The following ZSWIM6 variants were observed in gnomAD, a reference collection of about 807,000 sequenced individuals.
The protein encoded by ZSWIM6 is zinc finger SWIM-type containing 6.
A neutral mutation model predicts 113.2 loss-of-function variants in ZSWIM6; 9 were observed. That is an observed-to-expected ratio of 0.08 (90% CI 0.05 to 0.14). The LOEUF is 0.14. Among genes scored for constraint, ZSWIM6 ranks in the 10% least tolerant of loss-of-function variants. The pLI is 1.00. For missense variants in ZSWIM6, 1,162 were observed against 1,552.2 expected (o/e 0.75, Z 4.22); for synonymous variants, 611 against 606.5 (o/e 1.01, Z -0.11).
intron 1 of ZSWIM6, among the ~76,000 whole-genome samples, chr5:61,365,158 C>G (rs1254467258): frequency 2.0e-5 from 3 of 151,958 alleles, no homozygotes; most frequent in African/African-American, 7.3e-5. Context: ...TCGAGAACAG[C>G]CTGGCCAACA....
chr5:61,454,259 T>C (rs1238099502), intron 1 of ZSWIM6, among the ~76,000 whole-genome samples: 2 of 148,942 alleles, frequency 1.3e-5, no homozygotes, highest in Non-Finnish European at 3.0e-5. Context: ...TATTTTATTT[T>C]ATTTTATTTT....
intron 5 of ZSWIM6, 86 bp downstream of exon 5, chr5:61,521,528 A>G: frequency 8.7e-7 from 1 of 1,143,294 alleles, no homozygotes; most frequent in African/African-American, 1.6e-5. Context: ...TGTATATGGG[A>G]AAATGATTTT....
chr5:61,431,993 A>G (rs937922661), intron 1 of ZSWIM6, among the ~76,000 whole-genome samples: 1 of 152,010 alleles, frequency 6.6e-6, no homozygotes, highest in African/African-American at 2.4e-5. Flanking sequence ...TTTGAACTAC[A>G]TTAGCCATTC....
At chr5:61,492,414 C>G (rs956115120) in intron 3 of ZSWIM6, among the ~76,000 whole-genome samples, 1 of 152,050 alleles carries the variant, frequency 6.6e-6, no homozygotes, top group African/African-American at 2.4e-5. Flanking sequence ...ATTAGCTTAA[C>G]TTGAAGTTAA....
At chr5:61,432,185 G>C (rs1368515875) in intron 1 of ZSWIM6, among the ~76,000 whole-genome samples, 1 of 152,142 alleles carries the variant, frequency 6.6e-6, no homozygotes, top group East Asian at 1.9e-4. Context: ...AAACAATTTT[G>C]CTTCCCTCTT....
intron 1 of ZSWIM6, among the ~76,000 whole-genome samples, chr5:61,388,787 C>T (rs891944585): frequency 6.6e-6 from 1 of 152,144 alleles, no homozygotes; most frequent in African/African-American, 2.4e-5. Flanking sequence ...TGGCTTTGGG[C>T]ATTTTGCTGC....
chr5:61,438,611 A>G (rs1174729869), intron 1 of ZSWIM6, among the ~76,000 whole-genome samples: 1 of 152,240 alleles, frequency 6.6e-6, no homozygotes, highest in Non-Finnish European at 1.5e-5. Context: ...CAGAGCAAAC[A>G]GGCAATGAAC....
chr5:61,511,285 A>T (rs545055911), intron 4 of ZSWIM6, among the ~76,000 whole-genome samples: 52 of 152,276 alleles, frequency 3.4e-4, no homozygotes, highest in African/African-American at 1.3e-3. Context: ...AAATTTTCTA[A>T]TTAGAGAAAT....
intron 1 of ZSWIM6, among the ~76,000 whole-genome samples, chr5:61,341,480 T>G (rs993774596): frequency 6.6e-6 from 1 of 152,236 alleles, no homozygotes; most frequent in Non-Finnish European, 1.5e-5. Context: ...AGGAAATTAC[T>G]GTTTATGTCA....
chr5:61,398,237 C>A (rs1745879696), intron 1 of ZSWIM6, among the ~76,000 whole-genome samples: 2 of 152,164 alleles, frequency 1.3e-5, no homozygotes, highest in Non-Finnish European at 2.9e-5. Flanking sequence ...ACTGCCTGAG[C>A]TCCGCCTCCT....
intron 1 of ZSWIM6, among the ~76,000 whole-genome samples, chr5:61,435,583 G>A (rs1299680920): frequency 6.6e-6 from 1 of 152,318 alleles, no homozygotes; most frequent in East Asian, 1.9e-4. Context: ...TCTGATAGAT[G>A]TTCCAAATTG....
intron 8 of ZSWIM6, among the ~76,000 whole-genome samples, 187 bp downstream of exon 8, chr5:61,530,385 T>G (rs1749397619): frequency 6.6e-6 from 1 of 152,250 alleles, no homozygotes; most frequent in Non-Finnish European, 1.5e-5. Context: ...GGGAAAAGTC[T>G]TAGAGTTGAT....
chr5:61,410,638 A>C (rs1043589844), intron 1 of ZSWIM6, among the ~76,000 whole-genome samples: 1 of 152,146 alleles, frequency 6.6e-6, no homozygotes, highest in Non-Finnish European at 1.5e-5. Context: ...ATCTGACTAG[A>C]TTCTAAAGAC....
At position 61,489,056 on chromosome 5, in the gene ZSWIM6, T is replaced by C. The variant is rs563792731; in HGVS notation, c.1034-1730T>C. ...ATCCTGCTTCTTTTCTCCAGGATTA[T>C]CTTGTATTACTCTTCCTCTCATCTT... On this transcript the variant is annotated intron_variant, in intron 2 of 13. Coordinates refer to ENST00000252744, the MANE Select transcript of ZSWIM6 (RefSeq NM_020928.2). Among the ~76,000 whole-genome samples the C allele has an allele frequency of 2.0e-5, 3 of 152,152 alleles. No homozygotes were observed. The South Asian group carries it at 6.2e-4, about 32-fold the overall frequency.
intron 4 of ZSWIM6, among the ~76,000 whole-genome samples, chr5:61,512,309 A>G (rs953967696): frequency 6.6e-6 from 1 of 151,912 alleles, no homozygotes; most frequent in Admixed American, 6.6e-5. Flanking sequence ...TGTTGTTGTT[A>G]TTGCTGAGTG....
intron 2 of ZSWIM6, among the ~76,000 whole-genome samples, chr5:61,484,845 C>T (rs1262654739): frequency 1.3e-5 from 2 of 152,116 alleles, no homozygotes; most frequent in East Asian, 3.9e-4. Context: ...GGAGTATGTT[C>T]ATCGGCAGAA....
At chr5:61,352,504 T>A (rs1301251944) in intron 1 of ZSWIM6, among the ~76,000 whole-genome samples, 1 of 152,238 alleles carries the variant, frequency 6.6e-6, no homozygotes, top group Non-Finnish European at 1.5e-5. Context: ...GCATTGCTTT[T>A]ATTCAGTGGT....
chr5:61,393,834 T>A (rs1417081220), intron 1 of ZSWIM6, among the ~76,000 whole-genome samples: 1 of 152,124 alleles, frequency 6.6e-6, no homozygotes, highest in Non-Finnish European at 1.5e-5. Context: ...TTGGGTCTGG[T>A]TTTTTGTAAA....
rs569388788 is a variant in ZSWIM6, at chr5:61,433,819, A to T, written c.677-38862A>T. Among the ~76,000 whole-genome samples, 22 of 151,992 alleles carry T rather than the reference A, an allele frequency of 1.4e-4. No individual in the cohort carries two copies. The East Asian group carries it at 2.5e-3, about 17-fold the overall frequency. On this transcript the variant is annotated intron_variant, in intron 1 of 13. Coordinates refer to ENST00000252744, the MANE Select transcript of ZSWIM6 (RefSeq NM_020928.2). The stretch of plus-strand genomic sequence containing the variant: ...AGTACATTTAATTATGTAAATATAA[A>T]GAAAACTTGACAAATTTTCAATATT...
Sources: allele counts gnomAD v4.1 joint callset (sites outside exome capture counted in the v4.1 genomes callset), GRCh38; gene constraint gnomAD v4.1.1; transcripts MANE v1.5; gene names NCBI Gene and HGNC (gene_info 2026-07-23, HGNC 2026-07-21).